The following NALCN variants were observed in gnomAD, a reference collection of about 807,000 sequenced individuals.
NALCN encodes the protein sodium leak channel, non-selective, also known as sodium leak channel NALCN.
NALCN carries 111 observed loss-of-function variants against 225.3 expected under a neutral mutation model. That is an observed-to-expected ratio of 0.49 (90% CI 0.42 to 0.58). The LOEUF (loss-of-function observed/expected upper bound fraction) is 0.58, where lower values mean the gene tolerates loss of function less well. Ranked by LOEUF, NALCN falls within the 20% of genes least tolerant of loss-of-function variation. NALCN has a pLI of 0.00. For synonymous variants in NALCN, 764 were observed against 769.0 expected (o/e 0.99, Z 0.11); for missense variants, 1,378 against 2,202.4 (o/e 0.63, Z 7.49).
intron 15 of NALCN, among the ~76,000 whole-genome samples, chr13:101,168,544 T>A (rs1054259829): frequency 6.6e-6 from 1 of 152,146 alleles, no homozygotes; most frequent in African/African-American, 2.4e-5. Flanking sequence ...TACATCCAAT[T>A]TGTCACTAAA....
chr13:101,195,434 C>T (rs984832940), intron 13 of NALCN, among the ~76,000 whole-genome samples: 7 of 152,104 alleles, frequency 4.6e-5, no homozygotes, highest in Non-Finnish European at 8.8e-5. Flanking sequence ...TTTTATTTTG[C>T]TTAAAAAGAC....
chr13:101,356,180 A>G (rs2046053629), intron 6 of NALCN, among the ~76,000 whole-genome samples: 1 of 152,206 alleles, frequency 6.6e-6, no homozygotes, highest in Non-Finnish European at 1.5e-5. Context: ...GCAGAAGACA[A>G]GAAATAACTA....
rs1037259567 is a variant in NALCN at position 101,389,590 on chromosome 13, C to T, written c.291+5593G>A. Among the ~76,000 whole-genome samples the T allele has an allele frequency of 3.9e-5, 6 of 152,086 alleles. No homozygotes were observed. The East Asian group carries it at 7.7e-4, about 20-fold the overall frequency. On this transcript the variant is annotated intron_variant, in intron 3 of 43. Transcript: ENST00000251127. ...AGAGGCAGCAGAGCTCAGAACCTGA[C>T]GGTCGGTACACAGAAAAGCTCCATG...
At chr13:101,136,569 C>T (rs1192520866) in intron 17 of NALCN, among the ~76,000 whole-genome samples, 1 of 151,368 alleles carries the variant, frequency 6.6e-6, no homozygotes, top group Non-Finnish European at 1.5e-5. Flanking sequence ...GTTTTTTGTC[C>T]TTGTGATAGT....
Position 101,389,794 on chromosome 13 carries a change from T to C in NALCN, c.291+5389A>G, listed in dbSNP as rs150621856. 2.3e-3 allele frequency among the ~76,000 whole-genome samples: 347 copies of C among 152,238 alleles called. 4 individuals carry two copies. Among genetic ancestry groups the C allele is most frequent in the African/African-American group, 7.6e-3 (317 of 41,554 alleles). ...TTACAGAATAAGATGAATGAAATAA[T>C]ACATAGGCCGGGCATGGTGGCTCAC... On this transcript the variant is annotated intron_variant, in intron 3 of 43. Coordinates refer to ENST00000251127, the MANE Select transcript of NALCN (RefSeq NM_052867.4).
chr13:101,229,719 C>T (rs181729848), intron 12 of NALCN, 135 bp from the exon 13 acceptor site: 1 of 673,042 alleles, frequency 1.5e-6, no homozygotes, highest in East Asian at 3.3e-5. Context: ...TATCTAGTGA[C>T]TAAAATTAAC....
At chr13:101,351,894 C>T (rs1221472217) in intron 6 of NALCN, among the ~76,000 whole-genome samples, 1 of 152,118 alleles carries the variant, frequency 6.6e-6, no homozygotes, top group African/African-American at 2.4e-5. Context: ...TTCACAATAT[C>T]GTCTTTCTCT....
intron 18 of NALCN, among the ~76,000 whole-genome samples, chr13:101,123,666 T>A (rs633209): frequency 0.28 from 43,033 of 152,080 alleles, 6,394 homozygotes; most frequent in East Asian, 0.44. Flanking sequence ...CAGCCAATAT[T>A]GAGAGAAATA....
chr13:101,259,352 G>A (rs2042340595), intron 10 of NALCN, among the ~76,000 whole-genome samples: 1 of 151,638 alleles, frequency 6.6e-6, no homozygotes, highest in Non-Finnish European at 1.5e-5. Flanking sequence ...TTATTATTTT[G>A]AGAAAGAGTC....
In NALCN at chr13:101,067,321, A is replaced by G. The variant is rs147818796; in HGVS notation, c.4446+597T>C. Among the ~76,000 whole-genome samples, 84 of 34,956 alleles carry G rather than the reference A, an allele frequency of 2.4e-3. 1 individual carries two copies. The highest frequency in any genetic ancestry group is 7.0e-3 in the East Asian group (7 of 994). The allele number at this position is 34,956 out of a possible 152,430, so 22.9% of individuals were successfully genotyped here. A position where few individuals can be genotyped will look rare whatever the true frequency, so the allele number is the denominator to read the frequency against. Reference sequence around the variant, plus strand: ...GAAGAGGAGGGGGAAGAGGAGGGGGAAGAGGAGGGGGAAGAAGAGGGGGTA... The same window carrying G: ...GAAGAGGAGGGGGAAGAGGAGGGGGGAGAGGAGGGGGAAGAAGAGGGGGTA... On this transcript the variant is annotated intron_variant, in intron 39 of 43. Transcript: ENST00000251127.
intron 13 of NALCN, 54 bp from the exon 14 acceptor site, chr13:101,192,108 T>C (rs1419639083): frequency 2.6e-6 from 4 of 1,551,208 alleles, no homozygotes; most frequent in Admixed American, 4.8e-5. Context: ...TGCATACAAC[T>C]TCAAATTAGC....
intron 28 of NALCN, among the ~76,000 whole-genome samples, chr13:101,094,478 C>G (rs2034399139): frequency 6.6e-6 from 1 of 152,030 alleles, no homozygotes; most frequent in African/African-American, 2.4e-5. Context: ...TAAATTATAA[C>G]ATAAATAACT....
rs748282615 is a variant in NALCN, at chr13:101,089,764, G to A, written c.3391-3C>T. 6.2e-7 allele frequency: 1 copy of A among 1,613,968 alleles called. No individual in the cohort carries two copies. The highest frequency in any genetic ancestry group is 8.5e-7 in the Non-Finnish European group (1 of 1,179,894). On this transcript the variant is annotated splice_polypyrimidine_tract_variant and splice_region_variant and intron_variant, in intron 29 of 43. Transcript: ENST00000251127. This position sits in a 1 kb window ranked among gnomAD's most constrained non-coding sequence, Gnocchi z 4.7. ...ACATGAATATAGATTCCATGGATCT[G>A]CATAAAGGAAAATATGGTTATTCAT... is the stretch of plus-strand genomic sequence containing the variant.
At chr13:101,252,943 T>C (rs2042105725) in intron 11 of NALCN, among the ~76,000 whole-genome samples, 1 of 152,158 alleles carries the variant, frequency 6.6e-6, no homozygotes, top group South Asian at 2.1e-4. Context: ...ATAAATTTTG[T>C]TAAATGTACA....
chr13:101,099,621 C>T (rs1258329292), intron 27 of NALCN, among the ~76,000 whole-genome samples: 1 of 152,146 alleles, frequency 6.6e-6, no homozygotes, highest in African/African-American at 2.4e-5. Context: ...GAGAATGGGA[C>T]ACTTTATGAT....
chr13:101,187,294 T>C (rs1397949916), intron 14 of NALCN, among the ~76,000 whole-genome samples: 1 of 152,188 alleles, frequency 6.6e-6, no homozygotes, highest in Non-Finnish European at 1.5e-5. Flanking sequence ...ATAAAACACA[T>C]AGTATATATA....
At chr13:101,411,688 C>T (rs1169830432) in intron 1 of NALCN, among the ~76,000 whole-genome samples, 2 of 152,072 alleles carry the variant, frequency 1.3e-5, no homozygotes, top group African/African-American at 4.8e-5. Flanking sequence ...ATGCTCTGAT[C>T]GTTGGTATAT....
rs532238489 is a variant in NALCN, at chr13:101,210,631, C to T, written c.1627-18577G>A. On this transcript the variant is annotated intron_variant, in intron 13 of 43. Transcript: ENST00000251127. ...TTAAAGTTTTAAACTTTCTATACAA[C>T]ACAGAAAACTGAGTGCCCACCATTC... Among the ~76,000 whole-genome samples, 9 of 152,200 alleles carry T rather than the reference C, an allele frequency of 5.9e-5. No individual in the cohort carries two copies. In the South Asian group the frequency reaches 1.9e-3, roughly 32 times the overall value.
chr13:101,218,265 T>C (rs1393000851), intron 13 of NALCN, among the ~76,000 whole-genome samples: 1 of 152,166 alleles, frequency 6.6e-6, no homozygotes, highest in Admixed American at 6.6e-5. Flanking sequence ...AGAAGGTCAC[T>C]GTATGAGTTT....
Sources: allele counts gnomAD v4.1 joint callset (sites outside exome capture counted in the v4.1 genomes callset), GRCh38; gene constraint gnomAD v4.1.1; non-coding constraint Gnocchi (gnomAD v3.1); transcripts MANE v1.5; gene names NCBI Gene and HGNC (gene_info 2026-07-23, HGNC 2026-07-21).